Variants in EGLN1 observed in about 807,000 individuals in gnomAD.
EGLN1 encodes egl nine homolog 1.
Under a neutral mutation model 38.3 loss-of-function variants are expected in EGLN1, and 17 were observed. That is an observed-to-expected ratio of 0.44 (90% CI 0.30 to 0.67). EGLN1 has a LOEUF of 0.67. Among genes scored for constraint, EGLN1 ranks in the 30% least tolerant of loss-of-function variants. EGLN1 has a pLI of 0.08. For missense variants in EGLN1, 477 were observed against 603.3 expected (o/e 0.79, Z 2.19); for synonymous variants, 283 against 257.5 (o/e 1.10, Z -0.95).
At chr1:231,401,323 C>T (rs1023442620) in intron 1 of EGLN1, among the ~76,000 whole-genome samples, 6 of 152,100 alleles carry the variant, frequency 3.9e-5, no homozygotes, top group Admixed American at 2.0e-4. Flanking sequence ...CATATGGTTG[C>T]TATGATAATT....
chr1:231,415,270 TAA>T (rs71777021), intron 1 of EGLN1, among the ~76,000 whole-genome samples: 213 of 135,046 alleles, frequency 1.6e-3, no homozygotes, highest in Admixed American at 2.0e-3. Context: ...CCCTGTCCTT[TAA>T]AAAAAAAAAA....
intron 1 of EGLN1, among the ~76,000 whole-genome samples, chr1:231,412,617 G>A (rs944007725): frequency 2.0e-5 from 3 of 152,218 alleles, no homozygotes; most frequent in Non-Finnish European, 2.9e-5. Context: ...TGGTAGAGCT[G>A]ATACAAGCAT....
At chr1:231,409,024 C>A (rs849811) in intron 1 of EGLN1, among the ~76,000 whole-genome samples, 22,121 of 150,826 alleles carry the variant, frequency 0.15, 1,972 homozygotes, top group African/African-American at 0.24. Flanking sequence ...AGAAAAAAAA[C>A]AAACAAACAG....
At chr1:231,404,210 CTT>C (rs1688731969) in intron 1 of EGLN1, among the ~76,000 whole-genome samples, 1 of 152,048 alleles carries the variant, frequency 6.6e-6, no homozygotes, top group Admixed American at 6.6e-5. Flanking sequence ...TTAAAATACA[CTT>C]TTTACTACGA....
chr1:231,397,037 C>T (rs2790882), intron 1 of EGLN1, among the ~76,000 whole-genome samples: 82,935 of 152,096 alleles, frequency 0.55, 24,236 homozygotes, highest in Non-Finnish European at 0.65. Flanking sequence ...CCATGCCCTT[C>T]TCCAAACTAT....
intron 1 of EGLN1, among the ~76,000 whole-genome samples, chr1:231,411,876 G>A (rs1428966607): frequency 6.6e-6 from 1 of 151,740 alleles, no homozygotes; most frequent in Admixed American, 6.6e-5. Flanking sequence ...GTGGGCACCT[G>A]TAGTCCCAGC....
chr1:231,398,829 T>G (rs1252536587), intron 1 of EGLN1, among the ~76,000 whole-genome samples: 2 of 152,152 alleles, frequency 1.3e-5, no homozygotes, highest in Non-Finnish European at 2.9e-5. Context: ...TATTTGAGCC[T>G]TGGTGTGAGA....
chr1:231,390,649 G>A (rs972093120), intron 1 of EGLN1, among the ~76,000 whole-genome samples: 3 of 152,118 alleles, frequency 2.0e-5, no homozygotes, highest in African/African-American at 7.2e-5. Flanking sequence ...CTAGTAAAAT[G>A]CCTGATAGAT....
rs1687638023 is a variant in EGLN1 at position 231,366,073 on chromosome 1, G to A, written c.*338C>T. 1 of 287,704 alleles carries A rather than the reference G, an allele frequency of 3.5e-6. No homozygotes were observed. Among genetic ancestry groups the A allele is most frequent in the South Asian group, 6.4e-5 (1 of 15,572 alleles). The allele number at this position is 287,704 out of a possible 1,614,324, so 17.8% of individuals were successfully genotyped here. A position where few individuals can be genotyped will look rare whatever the true frequency, so the allele number is the denominator to read the frequency against. The stretch of plus-strand genomic sequence containing the variant: ...ATTCAAACTTGATATAAAAAAGGGA[G>A]AGATGAAATGAACTCAGCTAGATAA... On this transcript the variant is annotated 3_prime_UTR_variant, in exon 5 of 5. Transcript: ENST00000366641.
chr1:231,372,236 T>A (rs1236884228), intron 2 of EGLN1, among the ~76,000 whole-genome samples: 3 of 152,226 alleles, frequency 2.0e-5, no homozygotes, highest in African/African-American at 7.2e-5. Flanking sequence ...ATCTTTCTGA[T>A]CTGTATCCTC....
chr1:231,410,092 G>GT (rs1341644306), intron 1 of EGLN1, among the ~76,000 whole-genome samples: 2 of 152,150 alleles, frequency 1.3e-5, no homozygotes, highest in Non-Finnish European at 2.9e-5. Flanking sequence ...AAGAACTGAC[G>GT]TAAGAACTGG....
In EGLN1 at chr1:231,403,767, C is replaced by CAAA. The variant is rs1167705317; in HGVS notation, c.891+17228_891+17230dup. ...TGGTCAACAGAGCCAGACTCCATCT[C>CAAA]AAAAAAAAAAAAAAAAAAAAAAAAA... On this transcript the variant is annotated intron_variant, in intron 1 of 4. Transcript: ENST00000366641. Among the ~76,000 whole-genome samples the CAAA allele has an allele frequency of 6.2e-3, 113 of 18,266 alleles. 8 individuals carry two copies. The highest frequency in any genetic ancestry group is 0.013 in the African/African-American group (81 of 6,144). The allele number at this position is 18,266 out of a possible 152,430, so 12.0% of individuals were successfully genotyped here. A position where few individuals can be genotyped will look rare whatever the true frequency, so the allele number is the denominator to read the frequency against.
chr1:231,395,643 G>T (rs1180746795), intron 1 of EGLN1, among the ~76,000 whole-genome samples: 1 of 152,146 alleles, frequency 6.6e-6, no homozygotes, highest in South Asian at 2.1e-4. Context: ...ATCTAATGAC[G>T]CCAGTGTATT....
At chr1:231,377,054 T>C (rs1687978890) in intron 1 of EGLN1, among the ~76,000 whole-genome samples, 1 of 152,248 alleles carries the variant, frequency 6.6e-6, no homozygotes, top group South Asian at 2.1e-4. Flanking sequence ...ATCTGACTAA[T>C]GTTTTGAGAA....
intron 1 of EGLN1, among the ~76,000 whole-genome samples, chr1:231,418,236 C>T (rs1656389697): frequency 6.6e-6 from 1 of 152,190 alleles, no homozygotes. Context: ...TTTTAAGCCA[C>T]TATCTGAAAT....
chr1:231,389,470 G>A (rs1023179273), intron 1 of EGLN1, among the ~76,000 whole-genome samples: 17 of 152,132 alleles, frequency 1.1e-4, no homozygotes, highest in Admixed American at 3.3e-4. Context: ...GCGAGTAACA[G>A]TGGCAATAAA....
chr1:231,378,573 G>A (rs998084197), intron 1 of EGLN1, among the ~76,000 whole-genome samples: 3 of 152,128 alleles, frequency 2.0e-5, no homozygotes, highest in African/African-American at 7.2e-5. Flanking sequence ...TAGGACTACA[G>A]GCGTGAGACA....
Position 231,400,769 on chromosome 1 carries a change from G to C in EGLN1, c.891+20229C>G, listed in dbSNP as rs143317881. Reference sequence around the variant, plus strand: ...CATCCTAACCTTTTAAAATTGAGAGGCCATGTCTGGTGGCTCACGCCTGTA... The same window carrying C: ...CATCCTAACCTTTTAAAATTGAGAGCCCATGTCTGGTGGCTCACGCCTGTA... On this transcript the variant is annotated intron_variant, in intron 1 of 4. Transcript: ENST00000366641. 9.9e-5 allele frequency among the ~76,000 whole-genome samples: 15 copies of C among 152,274 alleles called. No individual in the cohort carries two copies. In the East Asian group the frequency reaches 2.9e-3, roughly 29 times the overall value.
intron 1 of EGLN1, among the ~76,000 whole-genome samples, chr1:231,395,687 T>C (rs564112534): frequency 1.3e-4 from 20 of 152,322 alleles, no homozygotes; most frequent in African/African-American, 3.6e-4. Flanking sequence ...CATGGCACCC[T>C]TGCAAGTTAG....
Sources: gnomAD v4.1 joint callset for allele counts (sites outside exome capture counted in the v4.1 genomes callset) on GRCh38, gnomAD v4.1.1 for gene constraint, MANE v1.5 for transcripts, NCBI Gene and HGNC (gene_info 2026-07-23, HGNC 2026-07-21) for gene names.